Variants in GRIA1 observed in about 807,000 individuals in gnomAD.
GRIA1 encodes glutamate ionotropic receptor AMPA type subunit 1, also known as glutamate receptor 1.
GRIA1 carries 31 observed loss-of-function variants against 99.2 expected under a neutral mutation model. The ratio of observed to expected loss-of-function variants is 0.31; its 90% CI spans 0.23 to 0.42. The LOEUF (loss-of-function observed/expected upper bound fraction) is 0.42. GRIA1 is among the 10% of genes least tolerant of loss of function. The pLI, the probability that GRIA1 is intolerant of heterozygous loss-of-function variation, is 1.00. For synonymous variants in GRIA1, 438 were observed against 432.4 expected, an observed-to-expected ratio of 1.01 and a Z score of -0.16; for missense variants, 782 against 1,157.5, an observed-to-expected ratio of 0.68 and a Z score of 4.71.
intron 2 of GRIA1, among the ~76,000 whole-genome samples, chr5:153,610,220 G>C (rs73287707): frequency 0.032 from 4,933 of 152,244 alleles, 264 homozygotes; most frequent in African/African-American, 0.11. Context: ...GTATCTCCCA[G>C]GGAGTGTGAA....
chr5:153,634,867 A>T (rs945387743), intron 2 of GRIA1, among the ~76,000 whole-genome samples: 46 of 152,190 alleles, frequency 3.0e-4, no homozygotes, highest in African/African-American at 1.1e-3. Context: ...GTGAATTCAG[A>T]TATAGATGAA....
At chr5:153,490,657 T>C, upstream of GRIA1, 1 of 577,814 alleles carries the variant, frequency 1.7e-6, no homozygotes, top group African/African-American at 1.9e-5. Context: ...GACGGGCTTC[T>C]TTTCCCGTGC....
chr5:153,777,606 T>C (rs1035208633), intron 13 of GRIA1, among the ~76,000 whole-genome samples: 2 of 152,238 alleles, frequency 1.3e-5, no homozygotes, highest in African/African-American at 4.8e-5. Context: ...AAAAAGTCAC[T>C]TTTGAGCCAA....
chr5:153,657,515 GTTGA>G (rs1206622087), intron 5 of GRIA1, among the ~76,000 whole-genome samples: 1 of 152,128 alleles, frequency 6.6e-6, no homozygotes. Context: ...GTTATTTTGT[GTTGA>G]TTATCTCTAT....
At chr5:153,779,194 T>G (rs866468475) in intron 13 of GRIA1, among the ~76,000 whole-genome samples, 1 of 152,220 alleles carries the variant, frequency 6.6e-6, no homozygotes, top group East Asian at 1.9e-4. Flanking sequence ...TCTTTTGATT[T>G]AGATATTATC....
chr5:153,498,489 G>C (rs984589586), intron 2 of GRIA1, among the ~76,000 whole-genome samples: 6 of 152,278 alleles, frequency 3.9e-5, no homozygotes, highest in East Asian at 1.9e-4. Flanking sequence ...AAAATGTTCA[G>C]AGCCTCAATG....
chr5:153,621,366 T>C (rs1350713121), intron 2 of GRIA1, among the ~76,000 whole-genome samples: 1 of 152,012 alleles, frequency 6.6e-6, no homozygotes, highest in African/African-American at 2.4e-5. Flanking sequence ...TTTGGGGAGG[T>C]AAAGATGGCA....
intron 2 of GRIA1, among the ~76,000 whole-genome samples, chr5:153,644,443 G>A (rs1037886357): frequency 2.0e-5 from 3 of 152,068 alleles, no homozygotes; most frequent in African/African-American, 7.2e-5. Flanking sequence ...CTCCTCCTCA[G>A]CCCCTGCTGC....
At chr5:153,612,489 G>A (rs1457329050) in intron 2 of GRIA1, among the ~76,000 whole-genome samples, 1 of 152,220 alleles carries the variant, frequency 6.6e-6, no homozygotes, top group African/African-American at 2.4e-5. Flanking sequence ...GTGGATATTA[G>A]AATCTATCTT....
chr5:153,770,517 C>T (rs749721892), intron 13 of GRIA1, 102 bp downstream of exon 13: 2 of 1,110,778 alleles, frequency 1.8e-6, no homozygotes, highest in Non-Finnish European at 2.6e-6. Context: ...ACAATGCAAG[C>T]TGTTGAGGGG....
chr5:153,798,421 C>G (rs1765782253), intron 14 of GRIA1, among the ~76,000 whole-genome samples: 1 of 152,186 alleles, frequency 6.6e-6, no homozygotes, highest in Non-Finnish European at 1.5e-5. Context: ...ATTACAGATT[C>G]AGCATGTGGA....
chr5:153,503,937 A>G (rs1327865016), intron 2 of GRIA1, among the ~76,000 whole-genome samples: 3 of 152,078 alleles, frequency 2.0e-5, no homozygotes, highest in Non-Finnish European at 4.4e-5. Flanking sequence ...AACTGGCTTT[A>G]CTCTCAGGCA....
At chr5:153,783,421 G>A (rs760235343) in intron 13 of GRIA1, among the ~76,000 whole-genome samples, 5 of 152,208 alleles carry the variant, frequency 3.3e-5, no homozygotes, top group Non-Finnish European at 7.3e-5. Context: ...GTGGTTTACT[G>A]TGAGCTGCAA....
chr5:153,576,451 C>T (rs894283534), intron 2 of GRIA1, among the ~76,000 whole-genome samples: 5 of 152,144 alleles, frequency 3.3e-5, no homozygotes, highest in African/African-American at 1.2e-4. Flanking sequence ...ATGCTATGGG[C>T]TCTCTACTTC....
At chr5:153,722,538 A>T (rs1333580144) in intron 11 of GRIA1, among the ~76,000 whole-genome samples, 1 of 152,216 alleles carries the variant, frequency 6.6e-6, no homozygotes, top group Admixed American at 6.5e-5. Context: ...TAGATATCCT[A>T]TTGAACTTGC....
chr5:153,599,621 GTTAATT>G (rs2149395478), intron 2 of GRIA1, among the ~76,000 whole-genome samples: 1 of 152,240 alleles, frequency 6.6e-6, no homozygotes, highest in African/African-American at 2.4e-5. Context: ...TTGTTATGTT[GTTAATT>G]TTATTTTTAA....
chr5:153,767,961 A>G (rs1763628255), intron 12 of GRIA1, among the ~76,000 whole-genome samples: 1 of 152,178 alleles, frequency 6.6e-6, no homozygotes, highest in Non-Finnish European at 1.5e-5. Context: ...CTGAGAGGAC[A>G]TATTAATTTT....
At chr5:153,545,310 A>C (rs1759504892) in intron 2 of GRIA1, among the ~76,000 whole-genome samples, 1 of 152,152 alleles carries the variant, frequency 6.6e-6, no homozygotes, top group African/African-American at 2.4e-5. Flanking sequence ...TTGTAGAAAA[A>C]AGTTAAAGAT....
intron 11 of GRIA1, among the ~76,000 whole-genome samples, chr5:153,763,311 C>A (rs190136858): frequency 4.8e-4 from 73 of 152,282 alleles, no homozygotes; most frequent in Non-Finnish European, 8.1e-4. Context: ...TGTCCCGAGG[C>A]ACAGTAGACT....
Sources: allele counts gnomAD v4.1 joint callset (sites outside exome capture counted in the v4.1 genomes callset), GRCh38; gene constraint gnomAD v4.1.1; transcripts MANE v1.5; gene names NCBI Gene and HGNC (gene_info 2026-07-23, HGNC 2026-07-21).